The following PNPLA1 variants were observed in gnomAD, a reference collection of about 807,000 sequenced individuals.
PNPLA1 encodes omega-hydroxyceramide transacylase.
Under a neutral mutation model 51.7 loss-of-function variants are expected in PNPLA1, and 36 were observed. That is an observed-to-expected ratio of 0.70 (90% CI 0.53 to 0.92). PNPLA1 has a LOEUF of 0.92. Among genes scored for constraint, PNPLA1 ranks in the 40% least tolerant of loss-of-function variants. The pLI is 0.00. For missense variants in PNPLA1, 658 were observed against 682.5 expected, an observed-to-expected ratio of 0.96 and a Z score of 0.40; for synonymous variants, 293 against 280.1, an observed-to-expected ratio of 1.05 and a Z score of -0.46.
chr6:36,303,670 A>T (rs1336415797), intron 6 of PNPLA1, among the ~76,000 whole-genome samples: 1 of 152,082 alleles, frequency 6.6e-6, no homozygotes, highest in Non-Finnish European at 1.5e-5. Flanking sequence ...CATCTCTACT[A>T]AATACAAAAA....
chr6:36,291,597 G>GGT, intron 2 of PNPLA1, 45 bp downstream of exon 2: 2 of 532,578 alleles, frequency 3.8e-6, no homozygotes, highest in Non-Finnish European at 6.8e-6. Flanking sequence ...GGGGGCGGGG[G>GGT]AGGGCGGCTC....
chr6:36,301,687 C>A (rs1771053232), intron 5 of PNPLA1, among the ~76,000 whole-genome samples, 174 bp from the exon 6 acceptor site: 1 of 152,226 alleles, frequency 6.6e-6, no homozygotes, highest in African/African-American at 2.4e-5. Flanking sequence ...CCACACTACA[C>A]CGTAAGTGCC....
intron 5 of PNPLA1, among the ~76,000 whole-genome samples, chr6:36,298,969 C>A (rs946780012): frequency 1.6e-4 from 24 of 152,190 alleles, no homozygotes; most frequent in African/African-American, 5.5e-4. Context: ...GATCTCCTCA[C>A]CTCGTGATCT....
chr6:36,302,911 C>T (rs926288750), intron 6 of PNPLA1, among the ~76,000 whole-genome samples: 1 of 152,066 alleles, frequency 6.6e-6, no homozygotes, highest in African/African-American at 2.4e-5. Flanking sequence ...AAGAGTGGTC[C>T]GCAGACCAAC....
intron 1 of PNPLA1, among the ~76,000 whole-genome samples, chr6:36,245,393 T>G (rs1769247736): frequency 6.6e-6 from 1 of 152,248 alleles, no homozygotes; most frequent in African/African-American, 2.4e-5. Flanking sequence ...CTATTTTTTT[T>G]GAAAAGCTAT....
At chr6:36,282,122 AAGGAAG>A (rs1265884574) in intron 1 of PNPLA1, among the ~76,000 whole-genome samples, 1,581 of 126,318 alleles carry the variant, frequency 0.013, 175 homozygotes, top group Admixed American at 0.015. Flanking sequence ...GGAAGGAAGG[AAGGAAG>A]GAAGGAAGGA....
chr6:36,264,218 G>A (rs1769714327), intron 1 of PNPLA1, among the ~76,000 whole-genome samples: 1 of 152,148 alleles, frequency 6.6e-6, no homozygotes, highest in African/African-American at 2.4e-5. Context: ...TCCTATGCAG[G>A]GCCAAGGAAG....
chr6:36,306,470 A>C, intron 7 of PNPLA1, 94 bp downstream of exon 7: 2 of 1,103,538 alleles, frequency 1.8e-6, no homozygotes, highest in Non-Finnish European at 2.6e-6. Context: ...CTGCCCCAGG[A>C]ACTCTGGGAT....
chr6:36,310,517 G>T (rs976299741), intron 8 of PNPLA1, among the ~76,000 whole-genome samples: 7 of 152,154 alleles, frequency 4.6e-5, no homozygotes, highest in African/African-American at 1.7e-4. Flanking sequence ...CACCATAAAA[G>T]ATCCTTTTCT....
chr6:36,263,186 A>T (rs80309730), intron 1 of PNPLA1, among the ~76,000 whole-genome samples: 3,279 of 152,336 alleles, frequency 0.022, 104 homozygotes, highest in African/African-American at 0.07. Flanking sequence ...GACACAATTT[A>T]TTACATTAAA....
At chr6:36,303,136 C>G (rs1157339014) in intron 6 of PNPLA1, among the ~76,000 whole-genome samples, 1 of 152,146 alleles carries the variant, frequency 6.6e-6, no homozygotes, top group Non-Finnish European at 1.5e-5. Flanking sequence ...GCTCTGTCGC[C>G]CAGGCTAGAG....
intron 1 of PNPLA1, among the ~76,000 whole-genome samples, chr6:36,247,871 C>T (rs536494408): frequency 1.3e-5 from 2 of 152,264 alleles, no homozygotes; most frequent in South Asian, 2.1e-4. Flanking sequence ...TCAGGGCTCC[C>T]GAGCCAACGT....
At chr6:36,295,529 G>A (rs929795938) in intron 5 of PNPLA1, 105 bp downstream of exon 5, 40 of 1,248,730 alleles carry the variant, frequency 3.2e-5, no homozygotes, top group Middle Eastern at 2.3e-4. Flanking sequence ...TTTGTGACCC[G>A]GAGACGCCCT....
intron 1 of PNPLA1, among the ~76,000 whole-genome samples, chr6:36,279,009 A>C (rs1384996428): frequency 3.3e-5 from 5 of 152,198 alleles, no homozygotes; most frequent in African/African-American, 1.2e-4. Flanking sequence ...GCTGGCCAGA[A>C]GGCCCCTCTG....
chr6:36,303,029 G>A (rs748751149), intron 6 of PNPLA1, among the ~76,000 whole-genome samples: 2 of 152,174 alleles, frequency 1.3e-5, no homozygotes, highest in Admixed American at 6.5e-5. Flanking sequence ...ACATCCCGGA[G>A]CTTGACCATT....
intron 5 of PNPLA1, among the ~76,000 whole-genome samples, chr6:36,300,178 T>TGTGTGTGAGAGAGAGAGAGAGAGAGA: frequency 0.037 from 3,636 of 97,154 alleles, 275 homozygotes; most frequent in Non-Finnish European, 0.061. Context: ...TGTGTGTGTG[T>TGTGTGTGAGAGAGAGAGAGAGAGAGA]GAGAGAGAGA....
At chr6:36,257,833 G>A (rs1010357242) in intron 1 of PNPLA1, among the ~76,000 whole-genome samples, 2 of 152,170 alleles carry the variant, frequency 1.3e-5, no homozygotes, top group Admixed American at 1.3e-4. Context: ...ACTGTCTCCT[G>A]AATATTGCGA....
intron 6 of PNPLA1, among the ~76,000 whole-genome samples, chr6:36,304,317 C>T (rs561997432): frequency 1.3e-5 from 2 of 152,114 alleles, no homozygotes; most frequent in East Asian, 3.8e-4. Flanking sequence ...AACAGGTTTA[C>T]TTTGACTCTT....
chr6:36,307,902 G>T (rs1309859212), intron 8 of PNPLA1, 190 bp downstream of exon 8: 19 of 623,820 alleles, frequency 3.0e-5, no homozygotes, highest in Non-Finnish European at 4.7e-5. Context: ...TCATGGTTGG[G>T]ACACTTGCTC....
Sources: gnomAD v4.1 joint callset for allele counts (sites outside exome capture counted in the v4.1 genomes callset) on GRCh38, gnomAD v4.1.1 for gene constraint, MANE v1.5 for transcripts, NCBI Gene and HGNC (gene_info 2026-07-23, HGNC 2026-07-21) for gene names.